GTF2B: variants seen among roughly 807,000 people sequenced by gnomAD.
GTF2B encodes the protein general transcription factor IIB.
In GTF2B, 20 loss-of-function variants were observed where a neutral mutation model predicts 34.6. The observed-to-expected ratio is 0.58, with a 90% CI of 0.41 to 0.84. The LOEUF (loss-of-function observed/expected upper bound fraction) is 0.84. Among genes scored for constraint, GTF2B ranks in the 40% least tolerant of loss-of-function variants. The pLI, the probability that GTF2B is intolerant of heterozygous loss-of-function variation, is 0.00. For synonymous variants in GTF2B, 142 were observed against 132.4 expected (o/e 1.07, Z -0.50); for missense variants, 237 against 393.3 (o/e 0.60, Z 3.36).
chr1:88,880,236 G>A (rs1230966606), intron 2 of GTF2B, among the ~76,000 whole-genome samples: 1 of 152,112 alleles, frequency 6.6e-6, no homozygotes, highest in Non-Finnish European at 1.5e-5. Context: ...GGAAACACTT[G>A]ATGTCTGGAT....
chr1:88,857,510 A>C, intron 5 of GTF2B, 23 bp from the exon 6 acceptor site: 2 of 1,301,596 alleles, frequency 1.5e-6, no homozygotes, highest in Non-Finnish European at 2.2e-6. Context: ...AAATTAAATA[A>C]ATCAATTCAC....
At position 88,857,254 on chromosome 1, in the gene GTF2B, C is replaced by A; in HGVS notation, c.769G>T (p.Ala257Ser). ...GRSPISVAAA[A>S]IYMASQASAE... Reference sequence around the variant, plus strand: ...GATGCCTGTGAGGCCATGTAAATAGCTGCCGCTGCCACAGAGATGGGGCTC... The same window carrying A: ...GATGCCTGTGAGGCCATGTAAATAGATGCCGCTGCCACAGAGATGGGGCTC... The change falls in exon 6 of 7, where the codon GCT becomes TCT. Residue 257 changes from alanine to serine, a missense_variant. By Grantham distance (99) the Ala-to-Ser change is moderately conservative. This residue lies in a region of GTF2B where 78 missense variants were observed against 116.6 expected (regional missense o/e 0.67). Coordinates refer to ENST00000370500, the MANE Select transcript of GTF2B (RefSeq NM_001514.6). The A allele has an allele frequency of 6.2e-7, 1 of 1,614,082 alleles. No individual in the cohort carries two copies. The highest frequency in any genetic ancestry group is 2.2e-5 in the East Asian group (1 of 44,874).
intron 2 of GTF2B, among the ~76,000 whole-genome samples, chr1:88,871,857 G>A (rs113427766): frequency 0.055 from 8,412 of 151,986 alleles, 460 homozygotes; most frequent in African/African-American, 0.13. Flanking sequence ...TCAGCCTCCC[G>A]AGTAGCTGGG....
At chr1:88,889,812 A>G (rs1674157785) in intron 1 of GTF2B, among the ~76,000 whole-genome samples, 1 of 152,200 alleles carries the variant, frequency 6.6e-6, no homozygotes, top group Non-Finnish European at 1.5e-5. Context: ...TGGACCCAGG[A>G]GTTCAGGACC....
chr1:88,882,304 T>C (rs1271134674), intron 2 of GTF2B, among the ~76,000 whole-genome samples: 1 of 92,216 alleles, frequency 1.1e-5, no homozygotes, highest in African/African-American at 5.1e-5. Context: ...AGGGAGACTC[T>C]CACTCCAAAA....
At position 88,860,063 on chromosome 1, in the gene GTF2B, T is replaced by C. The variant is rs751356261; in HGVS notation, c.406-52A>G. ...CTCTACGTCATTTAATTAGCTGCAA[T>C]ATCAAAATTTCATGTGTTCATTAAA... On this transcript the variant is annotated intron_variant, in intron 4 of 6. Coordinates refer to ENST00000370500, the MANE Select transcript of GTF2B (RefSeq NM_001514.6). 7 of 1,610,480 alleles carry C rather than the reference T, an allele frequency of 4.3e-6. No homozygotes were observed. The Admixed American group carries it at 6.7e-5, about 15-fold the overall frequency.
At chr1:88,857,967 C>A (rs564290532) in intron 5 of GTF2B, among the ~76,000 whole-genome samples, 25 of 151,894 alleles carry the variant, frequency 1.6e-4, no homozygotes, top group Non-Finnish European at 1.8e-4. Flanking sequence ...CAGGCATGAG[C>A]CACTGCGCCT....
intron 2 of GTF2B, among the ~76,000 whole-genome samples, chr1:88,882,396 G>C (rs980979680): frequency 3.4e-5 from 5 of 148,012 alleles, no homozygotes; most frequent in Admixed American, 1.4e-4. Flanking sequence ...ATGTATGTCT[G>C]TCTCACTCGT....
In GTF2B at chr1:88,853,202, G is replaced by A. The variant is rs778490636; in HGVS notation, c.*11C>T. On this transcript the variant is annotated 3_prime_UTR_variant, in exon 7 of 7. Transcript: ENST00000370500. ...TTTTGTATTCAAGAATTTGACGTTA[G>A]CTGCCTCAATTTATAGCTGTGGTAG... is the stretch of plus-strand genomic sequence containing the variant. 1.3e-5 allele frequency: 21 copies of A among 1,613,116 alleles called. No individual in the cohort carries two copies. In the East Asian group the frequency reaches 3.1e-4, roughly 24 times the overall value.
At chr1:88,856,364 T>C (rs17099902) in intron 6 of GTF2B, among the ~76,000 whole-genome samples, 5,322 of 140,864 alleles carry the variant, frequency 0.038, 236 homozygotes, top group Admixed American at 0.15. Flanking sequence ...AATTTAAACA[T>C]AGCTTTAGAA....
At chr1:88,890,832 A>G (rs1315167732) in intron 1 of GTF2B, among the ~76,000 whole-genome samples, 1 of 152,092 alleles carries the variant, frequency 6.6e-6, no homozygotes, top group Admixed American at 6.6e-5. Context: ...CCCAGCACAT[A>G]TAACTAATTT....
intron 3 of GTF2B, among the ~76,000 whole-genome samples, chr1:88,860,662 A>C (rs1487232692): frequency 1.3e-5 from 2 of 152,070 alleles, no homozygotes; most frequent in African/African-American, 4.8e-5. Context: ...GAATCAAATA[A>C]TGTAAAACAT....
chr1:88,856,279 A>AAAC (rs1673306261), intron 6 of GTF2B, among the ~76,000 whole-genome samples: 3 of 117,630 alleles, frequency 2.6e-5, no homozygotes, highest in Admixed American at 8.3e-5. Flanking sequence ...AAACAAAAAA[A>AAAC]AAAAAAAAAA....
At chr1:88,854,293 T>C (rs1268739068) in intron 6 of GTF2B, among the ~76,000 whole-genome samples, 2 of 152,188 alleles carry the variant, frequency 1.3e-5, no homozygotes, top group Admixed American at 1.3e-4. Flanking sequence ...TATTATAGCA[T>C]ACGGAGATGT....
chr1:88,875,594 T>C (rs907614208), intron 2 of GTF2B, among the ~76,000 whole-genome samples: 1 of 152,230 alleles, frequency 6.6e-6, no homozygotes, highest in African/African-American at 2.4e-5. Flanking sequence ...AGGTTTCTTT[T>C]TCTCTTTACT....
chr1:88,886,814 T>A (rs1557662524), intron 2 of GTF2B, among the ~76,000 whole-genome samples: 3 of 151,770 alleles, frequency 2.0e-5, no homozygotes, highest in African/African-American at 7.3e-5. Context: ...GTTTCCTAAT[T>A]GTTTTTTTGC....
At chr1:88,881,169 TAAAA>T (rs537366934) in intron 2 of GTF2B, among the ~76,000 whole-genome samples, 2,580 of 125,318 alleles carry the variant, frequency 0.021, 77 homozygotes, top group African/African-American at 0.069. Context: ...GGTATGTATT[TAAAA>T]AAAAAAAAAA....
chr1:88,867,101 A>G (rs566213745), intron 2 of GTF2B, among the ~76,000 whole-genome samples: 1 of 152,304 alleles, frequency 6.6e-6, no homozygotes, highest in East Asian at 1.9e-4. Context: ...AGTGAGTACT[A>G]TTCACCAACA....
At chr1:88,853,410 T>C (rs1335162974) in intron 6 of GTF2B, 64 bp from the exon 7 acceptor site, 63 of 1,435,044 alleles carry the variant, frequency 4.4e-5, no homozygotes, top group Middle Eastern at 1.8e-4. Flanking sequence ...ACTACCTGCA[T>C]TGTAATTTGT....
Sources: allele counts gnomAD v4.1 joint callset (sites outside exome capture counted in the v4.1 genomes callset), GRCh38; gene constraint gnomAD v4.1.1; regional missense constraint gnomAD v4.1.1; transcripts MANE v1.5; gene names NCBI Gene and HGNC (gene_info 2026-07-23, HGNC 2026-07-21).